AGBL1: variants seen among roughly 807,000 people sequenced by gnomAD.
The protein encoded by AGBL1 is cytosolic carboxypeptidase 4.
A neutral mutation model predicts 118.9 loss-of-function variants in AGBL1; 130 were observed. That is an observed-to-expected ratio of 1.09 (90% CI 0.95 to 1.26). The LOEUF (loss-of-function observed/expected upper bound fraction) is 1.26, where lower values mean the gene tolerates loss of function less well. Ranked by LOEUF, AGBL1 falls within the 50% of genes most tolerant of loss-of-function variation. The pLI, the probability that AGBL1 is intolerant of heterozygous loss-of-function variation, is 0.00. For missense variants in AGBL1, 1,584 were observed against 1,298.1 expected (o/e 1.22, Z -3.38); for synonymous variants, 555 against 478.9 (o/e 1.16, Z -2.08).
chr15:86,974,058 A>G (rs1309321765), intron 23 of AGBL1, among the ~76,000 whole-genome samples: 2 of 106,956 alleles, frequency 1.9e-5, no homozygotes, highest in African/African-American at 3.9e-5. Flanking sequence ...AAATATAAAC[A>G]TTTTAATATA....
At chr15:86,329,803 G>A (rs955754337) in intron 17 of AGBL1, among the ~76,000 whole-genome samples, 2 of 152,092 alleles carry the variant, frequency 1.3e-5, no homozygotes, top group Non-Finnish European at 2.9e-5. Context: ...GGCATTCAGA[G>A]CACCTGTTTG....
rs149281996 is a variant in AGBL1, at chr15:86,871,046, A to G, written c.3159-36041A>G. Among the ~76,000 whole-genome samples the G allele has an allele frequency of 1.6e-4, 25 of 152,290 alleles. No homozygotes were observed. The East Asian group carries it at 1.7e-3, about 11-fold the overall frequency. ...TCGCTCACTATCTCCCTCAACCCAC[A>G]TGATGCCTTCCTGTTGGAAACATTC... On this transcript the variant is annotated intron_variant, in intron 22 of 22. Transcript: ENST00000614907.
chr15:86,777,425 TA>T (rs1382586829), intron 22 of AGBL1, among the ~76,000 whole-genome samples: 3 of 124,940 alleles, frequency 2.4e-5, no homozygotes, highest in Non-Finnish European at 5.8e-5. Context: ...CTCTTCCATC[TA>T]TTTTTTTTTC....
rs573848804 is a variant in AGBL1 at position 86,835,053 on chromosome 15, G to C, written c.3159-72034G>C. Among the ~76,000 whole-genome samples the C allele has an allele frequency of 2.0e-5, 3 of 152,210 alleles. No individual in the cohort carries two copies. The South Asian group carries it at 6.2e-4, about 32-fold the overall frequency. ...AAGGTACCTACATATGGACTCTCTT[G>C]TCTGAGTCACTTCCCTTTTCCAGGC... On this transcript the variant is annotated intron_variant, in intron 22 of 22. Transcript: ENST00000614907.
rs968974772 is a variant in AGBL1 at position 86,613,413 on chromosome 15, G to GT, written c.2994+58878dup. 6.6e-6 allele frequency among the ~76,000 whole-genome samples: 1 copy of GT among 152,178 alleles called. No individual in the cohort carries two copies. The highest frequency in any genetic ancestry group is 1.5e-5 in the Non-Finnish European group (1 of 68,030). On this transcript the variant is annotated intron_variant, in intron 21 of 22. Coordinates refer to ENST00000614907, the MANE Select transcript of AGBL1 (RefSeq NM_001386094.1). This position sits in a 1 kb window ranked among gnomAD's most constrained non-coding sequence, Gnocchi z 4.2. Reference sequence around the variant, plus strand: ...TGGGTGAGAAGACAGTGTCTGGCATGTTCAAAGCTGCTTAGCCAGATGAGT... The same window carrying GT: ...TGGGTGAGAAGACAGTGTCTGGCATGTTTCAAAGCTGCTTAGCCAGATGAGT...
intron 21 of AGBL1, among the ~76,000 whole-genome samples, chr15:86,593,420 A>G (rs1177266719): frequency 6.6e-6 from 1 of 152,116 alleles, no homozygotes; most frequent in Non-Finnish European, 1.5e-5. Flanking sequence ...CAGTTATTTA[A>G]CCATGAGAGC....
chr15:86,584,353 A>C (rs2084215867), intron 21 of AGBL1, among the ~76,000 whole-genome samples: 1 of 152,038 alleles, frequency 6.6e-6, no homozygotes, highest in Admixed American at 6.6e-5. Flanking sequence ...GTCTTGAGTT[A>C]ATTTTTGCAT....
intron 23 of AGBL1, among the ~76,000 whole-genome samples, chr15:86,955,157 A>G (rs987157796): frequency 6.6e-6 from 1 of 152,176 alleles, no homozygotes; most frequent in East Asian, 1.9e-4. Flanking sequence ...GTGCAAATTT[A>G]TATGTATATT....
chr15:86,457,452 G>A (rs990723246), intron 18 of AGBL1, among the ~76,000 whole-genome samples: 1 of 152,172 alleles, frequency 6.6e-6, no homozygotes, highest in African/African-American at 2.4e-5. Context: ...GCTTTCTGAA[G>A]AGGGCAGGAC....
chr15:87,015,921 C>A (rs147686792), intron 24 of AGBL1, among the ~76,000 whole-genome samples: 3 of 152,018 alleles, frequency 2.0e-5, no homozygotes, highest in African/African-American at 7.2e-5. Flanking sequence ...CAGAGTAGAG[C>A]GTGGGAAGTT....
intron 24 of AGBL1, among the ~76,000 whole-genome samples, chr15:87,028,594 G>C (rs1237540484): frequency 6.6e-6 from 1 of 151,798 alleles, no homozygotes; most frequent in Admixed American, 6.6e-5. Flanking sequence ...TCAGTGCAAT[G>C]GGAATAAAGC....
At chr15:86,515,605 C>T (rs1029369071) in intron 18 of AGBL1, among the ~76,000 whole-genome samples, 16 of 152,000 alleles carry the variant, frequency 1.1e-4, no homozygotes, top group African/African-American at 3.9e-4. Flanking sequence ...AAATAAATGA[C>T]CCTTAGTTTT....
intron 22 of AGBL1, among the ~76,000 whole-genome samples, chr15:86,884,528 A>G (rs1226414636): frequency 3.3e-5 from 5 of 152,254 alleles, no homozygotes; most frequent in Admixed American, 2.6e-4. Flanking sequence ...AAAACAAACT[A>G]TAGGCTGGGT....
chr15:86,732,982 G>A (rs1436375783), intron 22 of AGBL1, among the ~76,000 whole-genome samples: 2 of 148,574 alleles, frequency 1.3e-5, no homozygotes, highest in East Asian at 3.9e-4. Context: ...CATACATACA[G>A]GAGATGGCTA....
At chr15:86,348,538 G>T (rs1212509786) in intron 17 of AGBL1, among the ~76,000 whole-genome samples, 4 of 152,194 alleles carry the variant, frequency 2.6e-5, no homozygotes, top group Non-Finnish European at 5.9e-5. Context: ...CCAGCACTTT[G>T]GGAGGCTGAG....
At chr15:86,104,866 A>G (rs1461986099) in intron 1 of AGBL1, among the ~76,000 whole-genome samples, 1 of 151,868 alleles carries the variant, frequency 6.6e-6, no homozygotes, top group Non-Finnish European at 1.5e-5. Flanking sequence ...GTAGCTACCT[A>G]TGTTAGTTTC....
intron 18 of AGBL1, among the ~76,000 whole-genome samples, chr15:86,507,385 T>A (rs2082990413): frequency 6.6e-6 from 1 of 152,124 alleles, no homozygotes; most frequent in African/African-American, 2.4e-5. Context: ...GGAGAATTCA[T>A]CCATTCATTC....
In AGBL1 at chr15:86,531,809, C is replaced by T. The variant is rs1267992687; in HGVS notation, c.2685+8870C>T. 2.7e-4 allele frequency among the ~76,000 whole-genome samples: 36 copies of T among 132,828 alleles called. No individual in the cohort carries two copies. In the East Asian group the frequency reaches 4.6e-3, roughly 17 times the overall value. The allele number at this position is 132,828 out of a possible 152,430, so 87.1% of individuals were successfully genotyped here. ...TGGGATGCAAGGCTGGTTCAATATA[C>T]GCAAATCAATAAATGTAATCCAGCA... is the stretch of plus-strand genomic sequence containing the variant. On this transcript the variant is annotated intron_variant, in intron 19 of 22. Coordinates refer to ENST00000614907, the MANE Select transcript of AGBL1 (RefSeq NM_001386094.1).
chr15:86,433,121 G>T (rs2081956207), intron 18 of AGBL1, among the ~76,000 whole-genome samples: 1 of 152,150 alleles, frequency 6.6e-6, no homozygotes, highest in Admixed American at 6.5e-5. Context: ...AAAGGTCAGT[G>T]GCCTGGGAGG....
Sources: gnomAD v4.1 joint callset for allele counts (sites outside exome capture counted in the v4.1 genomes callset) on GRCh38, gnomAD v4.1.1 for gene constraint, Gnocchi (gnomAD v3.1) non-coding constraint, MANE v1.5 for transcripts, NCBI Gene and HGNC (gene_info 2026-07-23, HGNC 2026-07-21) for gene names.